The following CFAP54 variants were observed in gnomAD, a reference collection of about 807,000 sequenced individuals.
The protein encoded by CFAP54 is cilia- and flagella-associated protein 54.
CFAP54 carries 290 observed loss-of-function variants against 370.4 expected under a neutral mutation model. The ratio of observed to expected loss-of-function variants is 0.78; its 90% CI spans 0.71 to 0.86. The LOEUF is 0.86. CFAP54 is among the 40% of genes least tolerant of loss of function. The probability of loss-of-function intolerance (pLI) is 0.00; values close to 1 mark genes in which losing one functional copy is unlikely to be tolerated. For missense variants in CFAP54, 3,399 were observed against 3,528.7 expected (o/e 0.96, Z 0.93); for synonymous variants, 1,206 against 1,236.5 (o/e 0.98, Z 0.52).
At chr12:96,732,642 G>A (rs1383651356) in intron 50 of CFAP54, among the ~76,000 whole-genome samples, 1 of 152,098 alleles carries the variant, frequency 6.6e-6, no homozygotes, top group Admixed American at 6.6e-5. Flanking sequence ...AAATGTCGAC[G>A]GAGCTCTTTT....
chr12:96,764,063 A>T, intron 58 of CFAP54, 88 bp from the exon 59 acceptor site: 1 of 776,714 alleles, frequency 1.3e-6, no homozygotes, highest in Non-Finnish European at 2.1e-6. Flanking sequence ...CTTAGTGACT[A>T]CATAGCATTT....
intron 22 of CFAP54, among the ~76,000 whole-genome samples, chr12:96,584,999 G>T (rs1002450320): frequency 6.6e-6 from 1 of 150,944 alleles, no homozygotes; most frequent in African/African-American, 2.4e-5. Flanking sequence ...AATGTGATTG[G>T]CCCACCCAGT....
At chr12:96,759,301 A>C (rs201527797) in intron 58 of CFAP54, among the ~76,000 whole-genome samples, 1 of 137,134 alleles carries the variant, frequency 7.3e-6, no homozygotes, top group Non-Finnish European at 1.6e-5. Context: ...GAAAAAAAAA[A>C]AACCCTTGTT....
At chr12:96,494,152 A>T (rs1013711055) in intron 1 of CFAP54, among the ~76,000 whole-genome samples, 1 of 152,158 alleles carries the variant, frequency 6.6e-6, no homozygotes, top group Non-Finnish European at 1.5e-5. Context: ...GGAGGAATGG[A>T]CAGAATCCCA....
At chr12:96,748,461 CAG>C (rs1385908020) in intron 55 of CFAP54, among the ~76,000 whole-genome samples, 3 of 152,078 alleles carry the variant, frequency 2.0e-5, no homozygotes, top group Non-Finnish European at 2.9e-5. Flanking sequence ...TCAAAGCCTT[CAG>C]AGTCTTTCAG....
At chr12:96,771,449 G>A (rs997072238) in intron 60 of CFAP54, among the ~76,000 whole-genome samples, 4 of 152,112 alleles carry the variant, frequency 2.6e-5, no homozygotes, top group East Asian at 3.9e-4. Context: ...TCAGGAGATG[G>A]AGACCATCCT....
chr12:96,859,184 G>C (rs1236992716), intron 66 of CFAP54, among the ~76,000 whole-genome samples: 2 of 152,132 alleles, frequency 1.3e-5, no homozygotes. Flanking sequence ...AAATGGTGCT[G>C]GGGTAGCTGG....
At chr12:96,851,005 C>A (rs1385527876) in intron 66 of CFAP54, among the ~76,000 whole-genome samples, 5 of 152,198 alleles carry the variant, frequency 3.3e-5, no homozygotes, top group African/African-American at 1.2e-4. Flanking sequence ...GTGTAAAAAC[C>A]ATATCACTTT....
rs775946127 is a variant in CFAP54, at chr12:96,623,392, AAAG to A, written c.3772-372_3772-370del. On this transcript the variant is annotated intron_variant, in intron 27 of 67. Transcript: ENST00000524981. The stretch of plus-strand genomic sequence containing the variant: ...TCCTTCTGGGAAAAAGAAAGGGAAA[AAAG>A]AATAAAGGGATACATTTCTGAGGGC... Among the ~76,000 whole-genome samples the A allele has an allele frequency of 4.5e-4, 68 of 152,308 alleles. 1 individual carries two copies. The highest frequency in any genetic ancestry group is 7.5e-4 in the Non-Finnish European group (51 of 68,028).
At chr12:96,691,381 A>G (rs1034597884) in intron 44 of CFAP54, 71 bp downstream of exon 44, 138 of 1,136,864 alleles carry the variant, frequency 1.2e-4, no homozygotes, top group Non-Finnish European at 1.6e-4. Context: ...TACTTTTAAA[A>G]TTTTGCTAAT....
intron 46 of CFAP54, among the ~76,000 whole-genome samples, chr12:96,704,521 A>C (rs1957527671): frequency 7.2e-6 from 1 of 138,500 alleles, no homozygotes; most frequent in African/African-American, 2.6e-5. Context: ...ATCAAAAAGA[A>C]GTTAGTAGGA....
Position 96,786,829 on chromosome 12 carries a change from A to T in CFAP54, c.8610A>T (p.Pro2870=). ...LYSSSCIDEF[P]KELLCQLENP... is the part of the protein sequence containing the mutation. Reference sequence around the variant, plus strand: ...CTTCTTCTTGTATTGATGAATTTCCAAAAGAACTTCTTTGTCAACTGGAAA... The same window carrying T: ...CTTCTTCTTGTATTGATGAATTTCCTAAAGAACTTCTTTGTCAACTGGAAA... The change falls in exon 62 of 68, where the codon CCA becomes CCT. Residue 2870 remains proline, a synonymous_variant. Transcript: ENST00000524981. The T allele has an allele frequency of 6.5e-7, 1 of 1,535,826 alleles. No individual in the cohort carries two copies. Among genetic ancestry groups the T allele is most frequent in the Non-Finnish European group, 8.7e-7 (1 of 1,146,728 alleles).
intron 39 of CFAP54, among the ~76,000 whole-genome samples, chr12:96,664,812 T>G (rs12320819): frequency 5.3e-5 from 2 of 37,962 alleles, no homozygotes; most frequent in East Asian, 9.7e-4. Context: ...TATATATATA[T>G]AGATATATAT....
At chr12:96,591,854 GCACTC>G (rs1267037309) in intron 23 of CFAP54, among the ~76,000 whole-genome samples, 1 of 149,658 alleles carries the variant, frequency 6.7e-6, no homozygotes, top group African/African-American at 2.5e-5. Context: ...TCGCGCCACT[GCACTC>G]CAGCCTGGGC....
In CFAP54 at chr12:96,564,625, A is replaced by G. The variant is rs887135233; in HGVS notation, c.2498-19A>G. ...TAGTTTTTAATCTCACCTTTTTGGTAAAATGTTTGTTTTTATAGAATTAAA... is the reference window on the plus strand; with the variant it reads ...TAGTTTTTAATCTCACCTTTTTGGTGAAATGTTTGTTTTTATAGAATTAAA... On this transcript the variant is annotated intron_variant, in intron 18 of 67. Transcript: ENST00000524981. The G allele has an allele frequency of 7.7e-6, 5 of 650,546 alleles. No individual in the cohort carries two copies. The highest frequency in any genetic ancestry group is 1.4e-5 in the Non-Finnish European group (5 of 365,142). The allele number at this position is 650,546 out of a possible 1,614,324, so 40.3% of individuals were successfully genotyped here.
intron 60 of CFAP54, among the ~76,000 whole-genome samples, chr12:96,781,354 G>A (rs994753701): frequency 2.0e-5 from 3 of 152,094 alleles, no homozygotes; most frequent in Admixed American, 6.5e-5. Flanking sequence ...AGAGACTGGC[G>A]TGAGTAAAAA....
At chr12:96,503,762 C>T (rs1955058839) in intron 2 of CFAP54, 124 bp from the exon 3 acceptor site, 23 of 824,508 alleles carry the variant, frequency 2.8e-5, no homozygotes, top group Non-Finnish European at 4.1e-5. Context: ...GAAAATGGAG[C>T]CAGTAGTAAT....
intron 27 of CFAP54, among the ~76,000 whole-genome samples, chr12:96,622,861 A>G (rs561067621): frequency 3.2e-4 from 49 of 151,734 alleles, no homozygotes; most frequent in African/African-American, 1.1e-3. Flanking sequence ...AAGCTATAAT[A>G]CTTTTTTTTT....
intron 4 of CFAP54, among the ~76,000 whole-genome samples, chr12:96,511,898 G>C (rs1356008640): frequency 6.6e-6 from 1 of 152,184 alleles, no homozygotes; most frequent in Non-Finnish European, 1.5e-5. Context: ...ACAATTACAT[G>C]CCTTTTTAAA....
Sources: allele counts gnomAD v4.1 joint callset (sites outside exome capture counted in the v4.1 genomes callset), GRCh38; gene constraint gnomAD v4.1.1; transcripts MANE v1.5; gene names NCBI Gene and HGNC (gene_info 2026-07-23, HGNC 2026-07-21).